TRRAP: variants seen among roughly 807,000 people sequenced by gnomAD.
The protein encoded by TRRAP is transformation/transcription domain-associated protein.
In TRRAP, 41 loss-of-function variants were observed where a neutral mutation model predicts 438.8. That is an observed-to-expected ratio of 0.09 (90% CI 0.07 to 0.12). The LOEUF is 0.12. Ranked by LOEUF, TRRAP falls within the 10% of genes least tolerant of loss-of-function variation. The pLI is 1.00. For synonymous variants in TRRAP, 1,994 were observed against 1,962.9 expected, an observed-to-expected ratio of 1.02 and a Z score of -0.42; for missense variants, 3,122 against 5,055.1, an observed-to-expected ratio of 0.62 and a Z score of 11.60.
chr7:98,996,955 A>G (rs143253602), intron 67 of TRRAP, among the ~76,000 whole-genome samples: 10 of 152,266 alleles, frequency 6.6e-5, no homozygotes, highest in Admixed American at 2.0e-4. Flanking sequence ...CTCTGTGGAC[A>G]CACACCTAAA....
chr7:98,924,298 G>A (rs1171908686), intron 21 of TRRAP, among the ~76,000 whole-genome samples: 3 of 152,068 alleles, frequency 2.0e-5, no homozygotes, highest in Non-Finnish European at 2.9e-5. Flanking sequence ...TACTTCCACC[G>A]CCTCTTTTGG....
chr7:98,990,478 T>C lies in TRRAP; in HGVS notation c.9615T>C (p.Asp3205=), dbSNP rs1470282473. ...AGGTGCTGTGGCTTTTGAGTTTTGA[T>C]GATGACAAAAACACTTTGGCAGATG... The part of the protein sequence containing the change: ...LAKVLWLLSF[D]DDKNTLADAV... The change falls in exon 64 of 73, where the codon GAT becomes GAC. Residue 3205 remains aspartate (D), a synonymous_variant. Coordinates refer to ENST00000456197, the MANE Select transcript of TRRAP (RefSeq NM_001375524.1). 2 of 1,613,090 alleles carry C rather than the reference T, an allele frequency of 1.2e-6. No individual in the cohort carries two copies. The highest frequency in any genetic ancestry group is 2.2e-5 in the East Asian group (1 of 44,866).
intron 20 of TRRAP, among the ~76,000 whole-genome samples, chr7:98,919,452 A>G (rs782445030): frequency 2.0e-5 from 3 of 152,136 alleles, no homozygotes; most frequent in Non-Finnish European, 4.4e-5. Flanking sequence ...AATACAGAAA[A>G]TTAGCTGGAT....
chr7:98,938,373 G>C (rs1296326346), intron 30 of TRRAP, among the ~76,000 whole-genome samples: 1 of 152,022 alleles, frequency 6.6e-6, no homozygotes, highest in Non-Finnish European at 1.5e-5. Context: ...GCATTCAGAT[G>C]GCTTAAAATT....
chr7:99,007,635 C>T (rs1448857968), intron 69 of TRRAP, among the ~76,000 whole-genome samples: 1 of 151,780 alleles, frequency 6.6e-6, no homozygotes, highest in Non-Finnish European at 1.5e-5. Context: ...AGGCGTGAGC[C>T]ACCATGGCCA....
intron 64 of TRRAP, among the ~76,000 whole-genome samples, chr7:98,991,191 G>T (rs1022956544): frequency 6.6e-6 from 1 of 152,204 alleles, no homozygotes; most frequent in Non-Finnish European, 1.5e-5. Flanking sequence ...TCCCTCTCCC[G>T]TGAAAAGACC....
At chr7:98,893,931 C>A in intron 6 of TRRAP, 50 bp downstream of exon 6, 1 of 1,568,854 alleles carries the variant, frequency 6.4e-7, no homozygotes, top group South Asian at 1.2e-5. Flanking sequence ...TCAACATGTT[C>A]CTTCTGTGAA....
intron 53 of TRRAP, among the ~76,000 whole-genome samples, chr7:98,974,138 A>G (rs1361575714): frequency 1.3e-5 from 2 of 152,170 alleles, no homozygotes; most frequent in Non-Finnish European, 2.9e-5. Context: ...ATCCCTCAGG[A>G]GGCGAGATGG....
In TRRAP at chr7:99,011,281, C is replaced by T. The variant is rs757315580; in HGVS notation, c.11142+26C>T. 1 of 1,613,434 alleles carries T rather than the reference C, an allele frequency of 6.2e-7. No individual in the cohort carries two copies. ...GTAACCTGCTTTGAACAGCCAGATC[C>T]TCTCCTCGTGACATCGCCTTTCTGC... On this transcript the variant is annotated intron_variant, in intron 71 of 72. Coordinates refer to ENST00000456197, the MANE Select transcript of TRRAP (RefSeq NM_001375524.1). This position sits in a 1 kb window ranked among gnomAD's most constrained non-coding sequence, Gnocchi z 7.1.
At position 98,956,118 on chromosome 7, in the gene TRRAP, C is replaced by CA; in HGVS notation, c.5938-28_5938-27insA. ...ACTGTGGGACCAAGCTCCCATGTTC[C>CA]GGCGTGATGCTGGCCCTGCGTCCGC... On this transcript the variant is annotated intron_variant, in intron 41 of 72. Transcript: ENST00000456197. This position sits in a 1 kb window ranked among gnomAD's most constrained non-coding sequence, Gnocchi z 4.5. 1.2e-6 allele frequency: 2 copies of CA among 1,601,232 alleles called. No individual in the cohort carries two copies. The highest frequency in any genetic ancestry group is 1.7e-5 in the Admixed American group (1 of 59,656).
chr7:99,010,537 CTGAG>C (rs1794383322), intron 70 of TRRAP, among the ~76,000 whole-genome samples: 1 of 152,200 alleles, frequency 6.6e-6, no homozygotes, highest in Non-Finnish European at 1.5e-5. Flanking sequence ...AGTCCATTAA[CTGAG>C]TGAACTCTTA....
intron 7 of TRRAP, among the ~76,000 whole-genome samples, chr7:98,896,424 G>A (rs1005560619): frequency 6.6e-6 from 1 of 151,756 alleles, no homozygotes; most frequent in Non-Finnish European, 1.5e-5. Context: ...TTGGCTGGGG[G>A]TGCGGGGGTA....
chr7:98,885,004 T>C (rs997568673), intron 3 of TRRAP, among the ~76,000 whole-genome samples: 1 of 152,156 alleles, frequency 6.6e-6, no homozygotes, highest in African/African-American at 2.4e-5. Flanking sequence ...AGATGGGTAA[T>C]GTGCTGACAT....
chr7:98,925,863 G>A (rs533038418), intron 22 of TRRAP, among the ~76,000 whole-genome samples: 1 of 152,278 alleles, frequency 6.6e-6, no homozygotes, highest in African/African-American at 2.4e-5. Flanking sequence ...TGAAGAGAGA[G>A]GAGTCAAGGT....
intron 11 of TRRAP, among the ~76,000 whole-genome samples, chr7:98,902,979 G>A (rs1295408643): frequency 6.6e-6 from 1 of 151,724 alleles, no homozygotes; most frequent in Non-Finnish European, 1.5e-5. Context: ...GAGGTGGGAG[G>A]ATGGCGTGAG....
intron 53 of TRRAP, among the ~76,000 whole-genome samples, chr7:98,974,146 T>C (rs1324164751): frequency 6.6e-6 from 1 of 152,136 alleles, no homozygotes; most frequent in Non-Finnish European, 1.5e-5. Flanking sequence ...GGAGGCGAGA[T>C]GGGTGCCGGG....
At chr7:98,969,598 C>A (rs549020214) in intron 51 of TRRAP, among the ~76,000 whole-genome samples, 69 of 152,330 alleles carry the variant, frequency 4.5e-4, no homozygotes, top group Non-Finnish European at 7.2e-4. Context: ...CGTGGCCAGG[C>A]AGCTTGTGCA....
Position 98,921,852 on chromosome 7 carries a change from G to C in TRRAP, c.2722G>C (p.Glu908Gln). 6.2e-7 allele frequency: 1 copy of C among 1,614,226 alleles called. No individual in the cohort carries two copies. The highest frequency in any genetic ancestry group is 8.5e-7 in the Non-Finnish European group (1 of 1,180,054). The change falls in exon 21 of 73, where the codon GAG (glutamate) becomes CAG (glutamine). Residue 908 changes from glutamate to glutamine, a missense_variant. Physicochemically the swap from Glu to Gln is conservative, Grantham distance 29 (BLOSUM62 2). Coordinates refer to ENST00000456197, the MANE Select transcript of TRRAP (RefSeq NM_001375524.1). ...FGGSNRKMLK[E>Q]SQKLHYVVTE... Reference sequence around the variant, plus strand: ...CGGCAGTAACAGGAAGATGCTGAAGGAGTCGCAGAAGCTGCACTACGTTGT... The same window carrying C: ...CGGCAGTAACAGGAAGATGCTGAAGCAGTCGCAGAAGCTGCACTACGTTGT...
Position 98,953,208 on chromosome 7 carries a change from G to T in TRRAP, c.5505G>T (p.Leu1835=). 6.2e-7 allele frequency: 1 copy of T among 1,613,298 alleles called. No individual in the cohort carries two copies. ...PEKQADMLDS[L]RIYLLQYATL... is the part of the protein sequence containing the mutation. ...AGCAGGCGGACATGCTGGACTCGCT[G>T]CGGATCTACCTGCTGCAGTACGCCA... Residue 1835 remains leucine, a synonymous_variant, in exon 40 of 73, where the codon CTG becomes CTT. Coordinates refer to ENST00000456197, the MANE Select transcript of TRRAP (RefSeq NM_001375524.1).
Sources: allele counts gnomAD v4.1 joint callset (sites outside exome capture counted in the v4.1 genomes callset), GRCh38; gene constraint gnomAD v4.1.1; non-coding constraint Gnocchi (gnomAD v3.1); transcripts MANE v1.5; gene names NCBI Gene and HGNC (gene_info 2026-07-23, HGNC 2026-07-21).